Variants in OTOGL observed in about 807,000 individuals in gnomAD.
The protein encoded by OTOGL is otogelin like.
Under a neutral mutation model 318.5 loss-of-function variants are expected in OTOGL, and 285 were observed. The ratio of observed to expected loss-of-function variants is 0.89; its 90% CI spans 0.81 to 0.99. The LOEUF (loss-of-function observed/expected upper bound fraction) is 0.99. Ranked by LOEUF, OTOGL falls within the 50% of genes least tolerant of loss-of-function variation. The pLI is 0.00. For missense variants in OTOGL, 2,899 were observed against 2,845.6 expected (o/e 1.02, Z -0.43); for synonymous variants, 987 against 936.5 (o/e 1.05, Z -0.99).
intron 1 of OTOGL, among the ~76,000 whole-genome samples, chr12:80,186,581 C>T: frequency 6.6e-6 from 1 of 152,234 alleles, no homozygotes; most frequent in South Asian, 2.1e-4. Flanking sequence ...AGAATAAATG[C>T]CTAATCGTCA....
At position 80,264,129 on chromosome 12, in the gene OTOGL, A is replaced by G. The variant is rs543072403; in HGVS notation, c.2015-872A>G. Among the ~76,000 whole-genome samples, 10 of 152,294 alleles carry G rather than the reference A, an allele frequency of 6.6e-5. No homozygotes were observed. In the South Asian group the frequency reaches 8.3e-4, roughly 13 times the overall value. On this transcript the variant is annotated intron_variant, in intron 19 of 58. Transcript: ENST00000547103. ...TATCTGGTCTGTAAAAGACAATGAC[A>G]ATGAAAAGATTGATTAATTTTATCT...
rs1211422894 is a variant in OTOGL at position 80,146,501 on chromosome 12, A to G, written c.-20+46896A>G. Reference sequence around the variant, plus strand: ...ATTTTTGCATCAATATTCATCAAGGATATTGGTCTAAAATTCTCTTTTTTG... The same window carrying G: ...ATTTTTGCATCAATATTCATCAAGGGTATTGGTCTAAAATTCTCTTTTTTG... On this transcript the variant is annotated intron_variant, in intron 1 of 58. Coordinates refer to ENST00000547103, the MANE Select transcript of OTOGL (RefSeq NM_001378609.3). Among the ~76,000 whole-genome samples, 6 of 151,862 alleles carry G rather than the reference A, an allele frequency of 4.0e-5. No individual in the cohort carries two copies. The South Asian group carries it at 1.2e-3, about 31-fold the overall frequency.
intron 1 of OTOGL, among the ~76,000 whole-genome samples, chr12:80,105,450 A>G (rs1456943720): frequency 6.6e-6 from 1 of 152,200 alleles, no homozygotes; most frequent in Non-Finnish European, 1.5e-5. Context: ...AAATAAAAGG[A>G]AATAGTAATA....
intron 35 of OTOGL, among the ~76,000 whole-genome samples, chr12:80,324,563 G>A (rs867006535): frequency 3.9e-5 from 6 of 152,264 alleles, no homozygotes; most frequent in Middle Eastern, 3.4e-3. Flanking sequence ...CAGCTGAGTG[G>A]CATGATCTGA....
chr12:80,201,615 T>C (rs1436696798), intron 1 of OTOGL, among the ~76,000 whole-genome samples: 3 of 152,062 alleles, frequency 2.0e-5, no homozygotes, highest in African/African-American at 7.2e-5. Flanking sequence ...ATTAGAGTCC[T>C]CTCCACATGT....
chr12:80,215,599 T>C (rs1010286091), intron 4 of OTOGL, among the ~76,000 whole-genome samples: 5 of 152,098 alleles, frequency 3.3e-5, no homozygotes, highest in Non-Finnish European at 7.4e-5. Flanking sequence ...CCTGAGCGGG[T>C]TGAATAATTT....
chr12:80,248,734 C>G (rs1343598447), intron 11 of OTOGL, among the ~76,000 whole-genome samples: 1 of 147,652 alleles, frequency 6.8e-6, no homozygotes, highest in Admixed American at 6.7e-5. Flanking sequence ...TGGGGAAGTT[C>G]TCCTGGATAA....
At chr12:80,371,991 T>G (rs866196276) in intron 56 of OTOGL, 28 bp from the exon 57 acceptor site, 13 of 1,460,778 alleles carry the variant, frequency 8.9e-6, no homozygotes, top group Middle Eastern at 3.5e-4. Flanking sequence ...CCATATTCTT[T>G]GACTTTATTG....
chr12:80,302,054 T>C (rs551192574), intron 27 of OTOGL, among the ~76,000 whole-genome samples: 5 of 152,182 alleles, frequency 3.3e-5, no homozygotes, highest in Non-Finnish European at 7.3e-5. Context: ...TTTTTCTTTC[T>C]TGTTAAGTTG....
chr12:80,190,257 C>T (rs1875577412), intron 1 of OTOGL, among the ~76,000 whole-genome samples: 1 of 152,160 alleles, frequency 6.6e-6, no homozygotes, highest in East Asian at 1.9e-4. Flanking sequence ...AAGAGCTTCC[C>T]CAGTCCGGTA....
At chr12:80,149,426 C>T (rs2137164057) in intron 1 of OTOGL, among the ~76,000 whole-genome samples, 1 of 152,328 alleles carries the variant, frequency 6.6e-6, no homozygotes, top group African/African-American at 2.4e-5. Context: ...TCTGCCCGTT[C>T]TCAGATCTCC....
At chr12:80,279,867 C>G (rs1312331633) in intron 26 of OTOGL, among the ~76,000 whole-genome samples, 1 of 151,840 alleles carries the variant, frequency 6.6e-6, no homozygotes, top group African/African-American at 2.4e-5. Flanking sequence ...AATTGCCACA[C>G]TGCTTTCTAC....
At chr12:80,148,720 T>C (rs1872571050) in intron 1 of OTOGL, among the ~76,000 whole-genome samples, 1 of 152,234 alleles carries the variant, frequency 6.6e-6, no homozygotes, top group Non-Finnish European at 1.5e-5. Context: ...TTTTTTCACA[T>C]AGTCCCATAT....
At chr12:80,301,516 C>G (rs866897924) in intron 27 of OTOGL, among the ~76,000 whole-genome samples, 1 of 152,184 alleles carries the variant, frequency 6.6e-6, no homozygotes, top group African/African-American at 2.4e-5. Context: ...CATGCTCTAG[C>G]CTTTTGGTAC....
intron 1 of OTOGL, among the ~76,000 whole-genome samples, chr12:80,106,753 G>C (rs962559160): frequency 3.3e-5 from 5 of 152,082 alleles, no homozygotes; most frequent in African/African-American, 1.2e-4. Flanking sequence ...ATACTGTATA[G>C]AAAGCAATGC....
At chr12:80,118,200 C>T (rs1170006561) in intron 1 of OTOGL, among the ~76,000 whole-genome samples, 1 of 152,118 alleles carries the variant, frequency 6.6e-6, no homozygotes, top group Non-Finnish European at 1.5e-5. Context: ...AGTTTGGCAG[C>T]CTCTGATGAG....
intron 1 of OTOGL, chr12:80,103,118 C>A (rs1003755730): frequency 2.7e-6 from 3 of 1,112,138 alleles, no homozygotes; most frequent in Non-Finnish European, 4.1e-6. Flanking sequence ...TCCTGTAAAC[C>A]TGGACCACTT....
At chr12:80,114,842 T>A (rs1021951544) in intron 1 of OTOGL, among the ~76,000 whole-genome samples, 2 of 151,918 alleles carry the variant, frequency 1.3e-5, no homozygotes, top group Admixed American at 6.6e-5. Context: ...TAATCTTGTC[T>A]TTACACTTTA....
At chr12:80,192,454 G>C (rs1875760452) in intron 1 of OTOGL, among the ~76,000 whole-genome samples, 2 of 152,190 alleles carry the variant, frequency 1.3e-5, no homozygotes, top group Admixed American at 6.5e-5. Context: ...CGTGTGATCT[G>C]ACTTTCTCAC....
Sources: allele counts gnomAD v4.1 joint callset (sites outside exome capture counted in the v4.1 genomes callset), GRCh38; gene constraint gnomAD v4.1.1; transcripts MANE v1.5; gene names NCBI Gene and HGNC (gene_info 2026-07-23, HGNC 2026-07-21).